Variants in SV2A observed in about 807,000 individuals in gnomAD.
SV2A encodes the protein solute carrier family 22 member B1.
A neutral mutation model predicts 78.0 loss-of-function variants in SV2A; 25 were observed. The observed-to-expected ratio is 0.32, with a 90% CI of 0.23 to 0.45. The LOEUF (loss-of-function observed/expected upper bound fraction) is 0.45. SV2A is among the 20% of genes least tolerant of loss of function. The pLI is 1.00. For synonymous variants in SV2A, 355 were observed against 384.7 expected, an observed-to-expected ratio of 0.92 and a Z score of 0.90; for missense variants, 752 against 971.5, an observed-to-expected ratio of 0.77 and a Z score of 3.00.
At chr1:149,911,015 C>T (rs185157384) in intron 3 of SV2A, 38 bp from the exon 4 acceptor site, 3 of 1,598,868 alleles carry the variant, frequency 1.9e-6, no homozygotes, top group Admixed American at 1.7e-5. Flanking sequence ...TAGCAAATGG[C>T]CATAGTCCTG....
Position 149,910,604 on chromosome 1 carries a change from G to A in SV2A, c.1055C>T (p.Thr352Ile), listed in dbSNP as rs782066632. 10 of 1,612,552 alleles carry A rather than the reference G, an allele frequency of 6.2e-6. No individual in the cohort carries two copies. The highest frequency in any genetic ancestry group is 1.3e-5 in the African/African-American group (1 of 74,902). ...GAAACGGGGGCTCTCAGGCTGCGTG[G>A]TCAGAGCCCCAATGGCAAACACAGA... ...FPSVFAIGAL[T>I]TQPESPRFFL... is the part of the protein sequence containing the mutation. The change falls in exon 5 of 13, where the codon ACC becomes ATC. Residue 352 changes from threonine to isoleucine, a missense_variant. Thr to Ile is a moderately conservative substitution (Grantham distance 89). Around this residue, in one of 7 missense-constraint regions of SV2A, gnomAD observed 136 missense variants for 132.3 expected, o/e 1.03. Coordinates refer to ENST00000369146, the MANE Select transcript of SV2A (RefSeq NM_014849.5). The surrounding 1 kb of genome is among the most constrained non-coding windows in gnomAD (Gnocchi z 4.2).
chr1:149,916,570 A>G (rs1213924968), intron 1 of SV2A, among the ~76,000 whole-genome samples: 1 of 152,210 alleles, frequency 6.6e-6, no homozygotes, highest in Non-Finnish European at 1.5e-5. Context: ...AGGGGACTCC[A>G]GAGCAAATGC....
chr1:149,909,123 C>G (rs2092458220), intron 8 of SV2A, 69 bp downstream of exon 8: 1 of 1,488,056 alleles, frequency 6.7e-7, no homozygotes, highest in Non-Finnish European at 9.4e-7. Context: ...TCTCCATTCT[C>G]CCCACCTCTC....
chr1:149,907,804 G>A lies in SV2A; in HGVS notation c.1574C>T (p.Ser525Phe). Residue 525 changes from serine to phenylalanine, a missense_variant, in exon 10 of 13, where the codon TCC (serine) becomes TTC (phenylalanine). Coordinates refer to ENST00000369146, the MANE Select transcript of SV2A (RefSeq NM_014849.5). ...CTCTTCAAACAGGGAATCCTCAAAG[G>A]ACACTGACTTGAGCCGCAGCCCAAT... ...KFIGLRLKSV[S>F]FEDSLFEECY... 6.2e-7 allele frequency: 1 copy of A among 1,614,112 alleles called. No homozygotes were observed. The highest frequency in any genetic ancestry group is 8.5e-7 in the Non-Finnish European group (1 of 1,180,018).
chr1:149,908,114 C>A lies in SV2A; in HGVS notation c.1472G>T (p.Arg491Leu). 1 of 1,614,162 alleles carries A rather than the reference C, an allele frequency of 6.2e-7. No individual in the cohort carries two copies. The highest frequency in any genetic ancestry group is 8.5e-7 in the Non-Finnish European group (1 of 1,180,036). Reference protein sequence around the residue: ...ASRTKVFPGERVEHVTFNFTL... With the variant: ...ASRTKVFPGELVEHVTFNFTL... ...GAAGTTAAAAGTTACATGCTCTACG[C>A]GCTCCCCGGGGAACACTTTGGTGCG... The change falls in exon 9 of 13, where the codon CGC becomes CTC. Residue 491 changes from arginine (R) to leucine (L), a missense_variant. Physicochemically the swap from Arg to Leu is moderately radical, Grantham distance 102. Coordinates refer to ENST00000369146, the MANE Select transcript of SV2A (RefSeq NM_014849.5).
At chr1:149,905,454 T>C (rs201118480) in intron 12 of SV2A, 7 of 394,802 alleles carry the variant, frequency 1.8e-5, no homozygotes, top group East Asian at 1.7e-4. Context: ...GATTTTTTTT[T>C]CCTTTTTTTT....
rs782636032 is a variant in SV2A, at chr1:149,906,644, C to T, written c.1885+6G>A. On this transcript the variant is annotated splice_donor_region_variant and intron_variant, in intron 11 of 12. Transcript: ENST00000369146. The stretch of plus-strand genomic sequence containing the variant: ...TATCAGATCTGACTCAGCCTCTCCC[C>T]CTTACCAAGCATTCTGAGCCTGCCG... 6.2e-7 allele frequency: 1 copy of T among 1,614,080 alleles called. No homozygotes were observed. Among genetic ancestry groups the T allele is most frequent in the Admixed American group, 1.7e-5 (1 of 60,020 alleles).
Position 149,910,807 on chromosome 1 carries a change from A to G in SV2A, c.955+19T>C, listed in dbSNP as rs1571504173. On this transcript the variant is annotated intron_variant, in intron 4 of 12. Transcript: ENST00000369146. The surrounding 1 kb of genome is among the most constrained non-coding windows in gnomAD (Gnocchi z 4.2). ...GGAGGAGGGAGATAACCTGGGGTGG[A>G]TTTCCGGGGGCTGCTCACCATAGTG... 2 of 1,612,514 alleles carry G rather than the reference A, an allele frequency of 1.2e-6. No individual in the cohort carries two copies. Among genetic ancestry groups the G allele is most frequent in the Non-Finnish European group, 1.7e-6 (2 of 1,178,702 alleles).
In SV2A at chr1:149,917,796, G is replaced by C. The variant is rs1200034099; in HGVS notation, c.-405C>G. 1 of 152,298 alleles carries C rather than the reference G, an allele frequency of 6.6e-6. No homozygotes were observed. Among genetic ancestry groups the C allele is most frequent in the African/African-American group, 2.4e-5 (1 of 41,402 alleles). The allele number at this position is 152,298 out of a possible 1,614,324, so 9.4% of individuals were successfully genotyped here. A position where few individuals can be genotyped will look rare whatever the true frequency, so the allele number is the denominator to read the frequency against. The stretch of plus-strand genomic sequence containing the variant: ...GCGAGGACGGGGGTCCCGGCCGCGG[G>C]CGGAGGCGGCAGCGGCGACTGCTCC... On this transcript the variant is annotated 5_prime_UTR_variant, in exon 1 of 13. Coordinates refer to ENST00000369146, the MANE Select transcript of SV2A (RefSeq NM_014849.5).
At position 149,913,371 on chromosome 1, in the gene SV2A, C is replaced by A. The variant is rs781926005; in HGVS notation, c.470G>T (p.Arg157Leu). The change falls in exon 2 of 13, where the codon CGG (arginine) becomes CTG (leucine). Residue 157 changes from arginine (R) to leucine (L), a missense_variant. Transcript: ENST00000369146. Reference sequence around the variant, plus strand: ...CTGGAAGCGGCCGTGGCCACACTCCCGTAGGATGGCTTCATACTGTTGGGC... The same window carrying A: ...CTGGAAGCGGCCGTGGCCACACTCCAGTAGGATGGCTTCATACTGTTGGGC... ...ELAQQYEAIL[R>L]ECGHGRFQWT... 1.2e-6 allele frequency: 2 copies of A among 1,614,010 alleles called. No homozygotes were observed. The highest frequency in any genetic ancestry group is 1.7e-5 in the Admixed American group (1 of 60,006).
chr1:149,906,520 C>A (rs587599246), intron 11 of SV2A, 130 bp downstream of exon 11: 4 of 1,006,732 alleles, frequency 4.0e-6, no homozygotes, highest in Non-Finnish European at 4.4e-6. Flanking sequence ...TGCAGCACCC[C>A]CTAAACAGAA....
rs1357450795 is a variant in SV2A at position 149,906,662 on chromosome 1, G to A, written c.1873C>T (p.Leu625Phe). 6.2e-7 allele frequency: 1 copy of A among 1,614,112 alleles called. No individual in the cohort carries two copies. Among genetic ancestry groups the A allele is most frequent in the Non-Finnish European group, 8.5e-7 (1 of 1,180,022 alleles). ...SALLMDKIGR[L>F]RMLAGSSVMS... ...CTCTCCCCCTTACCAAGCATTCTGA[G>A]CCTGCCGATCTTGTCCATGAGCAGG... is the stretch of plus-strand genomic sequence containing the variant. The change falls in exon 11 of 13, where the codon CTC (leucine) becomes TTC (phenylalanine). Residue 625 changes from leucine (L) to phenylalanine (F), a missense_variant. By Grantham distance (22) the Leu-to-Phe change is conservative. This residue lies in a region of SV2A where 186 missense variants were observed against 274.6 expected (regional missense o/e 0.68). Coordinates refer to ENST00000369146, the MANE Select transcript of SV2A (RefSeq NM_014849.5).
Position 149,913,862 on chromosome 1 carries a change from C to G in SV2A, c.-22G>C. On this transcript the variant is annotated 5_prime_UTR_variant, in exon 2 of 13. Transcript: ENST00000369146. ...CCATGATGGGGCTTGGGGCACTTCA[C>G]TGGGTCTTCTCCACCTCCTGCTTCT... The G allele has an allele frequency of 1.3e-6, 2 of 1,578,088 alleles. No individual in the cohort carries two copies.
chr1:149,907,261 A>T (rs2101614489), intron 10 of SV2A, among the ~76,000 whole-genome samples: 1 of 152,318 alleles, frequency 6.6e-6, no homozygotes, highest in South Asian at 2.1e-4. Context: ...TGAGGTGGGA[A>T]ATTTCAGTCT....
At chr1:149,909,741 G>T (rs1234221415) in intron 6 of SV2A, 60 bp downstream of exon 6, 2 of 1,578,196 alleles carry the variant, frequency 1.3e-6, no homozygotes, top group Non-Finnish European at 1.7e-6. Flanking sequence ...TCAGAGAGGG[G>T]CCAGGTAGGG....
At chr1:149,915,872 A>T (rs2092509639) in intron 1 of SV2A, among the ~76,000 whole-genome samples, 2 of 151,148 alleles carry the variant, frequency 1.3e-5, no homozygotes, top group Non-Finnish European at 2.9e-5. Flanking sequence ...GCTCCCACCC[A>T]TCCAGGGCCT....
chr1:149,911,494 G>A (rs74124084), intron 3 of SV2A, among the ~76,000 whole-genome samples: 4,170 of 152,240 alleles, frequency 0.027, 196 homozygotes, highest in African/African-American at 0.095. Flanking sequence ...GGGTCCACAG[G>A]AGCCCAGGGG....
intron 10 of SV2A, 92 bp downstream of exon 10, chr1:149,907,608 T>G: frequency 6.8e-7 from 1 of 1,472,670 alleles, no homozygotes; most frequent in Non-Finnish European, 9.1e-7. Context: ...GATCTCAGCT[T>G]GAGAACCCTA....
chr1:149,906,158 T>A, intron 11 of SV2A, 119 bp from the exon 12 acceptor site: 1 of 1,234,330 alleles, frequency 8.1e-7, no homozygotes, highest in Admixed American at 2.4e-5. Flanking sequence ...TCCGAAGGTA[T>A]CCAACCAAGG....
Sources: allele counts gnomAD v4.1 joint callset (sites outside exome capture counted in the v4.1 genomes callset), GRCh38; gene constraint gnomAD v4.1.1; regional missense constraint gnomAD v4.1.1; non-coding constraint Gnocchi (gnomAD v3.1); transcripts MANE v1.5; gene names NCBI Gene and HGNC (gene_info 2026-07-23, HGNC 2026-07-21).